The following EXOC6B variants were observed in gnomAD, a reference collection of about 807,000 sequenced individuals.
EXOC6B encodes the protein exocyst complex component 6B, also known as SEC15 homolog B.
Under a neutral mutation model 113.5 loss-of-function variants are expected in EXOC6B, and 54 were observed. That is an observed-to-expected ratio of 0.48 (90% CI 0.38 to 0.60). The LOEUF (loss-of-function observed/expected upper bound fraction) is 0.60, where lower values mean the gene tolerates loss of function less well. EXOC6B is among the 20% of genes least tolerant of loss of function. The pLI is 0.00. For synonymous variants in EXOC6B, 357 were observed against 339.0 expected, an observed-to-expected ratio of 1.05 and a Z score of -0.58; for missense variants, 797 against 977.5, an observed-to-expected ratio of 0.82 and a Z score of 2.46.
At chr2:72,513,341 T>G (rs1486294167) in intron 10 of EXOC6B, 89 bp from the exon 11 acceptor site, 3 of 1,484,988 alleles carry the variant, frequency 2.0e-6, no homozygotes, top group Non-Finnish European at 2.7e-6. Context: ...AGAGATACCA[T>G]CAAATGCAAA....
chr2:72,727,059 C>T (rs763406755), intron 5 of EXOC6B, among the ~76,000 whole-genome samples: 21 of 152,102 alleles, frequency 1.4e-4, no homozygotes, highest in Non-Finnish European at 2.5e-4. Flanking sequence ...ACCTAGTCCC[C>T]TATCCCAGGG....
At chr2:72,751,389 A>G (rs1682031734) in intron 1 of EXOC6B, among the ~76,000 whole-genome samples, 1 of 152,122 alleles carries the variant, frequency 6.6e-6, no homozygotes, top group Non-Finnish European at 1.5e-5. Context: ...GTAGAAAGGA[A>G]TGTCTGGGTT....
At chr2:72,442,751 A>G (rs890522177) in intron 18 of EXOC6B, among the ~76,000 whole-genome samples, 2 of 152,208 alleles carry the variant, frequency 1.3e-5, no homozygotes, top group Non-Finnish European at 2.9e-5. Context: ...ACACAAATAC[A>G]TTTTTAAAAA....
At chr2:72,572,493 C>A (rs1392417448) in intron 7 of EXOC6B, among the ~76,000 whole-genome samples, 1 of 152,206 alleles carries the variant, frequency 6.6e-6, no homozygotes, top group Admixed American at 6.5e-5. Context: ...GTACGTTTTA[C>A]TGGGAAATGA....
At chr2:72,744,241 A>G (rs1214820070) in intron 1 of EXOC6B, among the ~76,000 whole-genome samples, 1 of 152,168 alleles carries the variant, frequency 6.6e-6, no homozygotes, top group African/African-American at 2.4e-5. Flanking sequence ...TTTTTAGAAC[A>G]TATCCTCTCT....
intron 19 of EXOC6B, among the ~76,000 whole-genome samples, chr2:72,369,778 A>G (rs1288472898): frequency 5.9e-5 from 9 of 152,238 alleles, no homozygotes; most frequent in Non-Finnish European, 1.3e-4. Flanking sequence ...TCCCTATTTA[A>G]CAAATGGTGC....
intron 18 of EXOC6B, among the ~76,000 whole-genome samples, chr2:72,398,653 C>T (rs947055908): frequency 8.7e-5 from 13 of 149,266 alleles, no homozygotes; most frequent in South Asian, 4.2e-4. Context: ...GCCAAGATCG[C>T]GACACTGCAC....
chr2:72,186,351 T>C (rs1678435107), intron 20 of EXOC6B, among the ~76,000 whole-genome samples: 1 of 152,196 alleles, frequency 6.6e-6, no homozygotes, highest in South Asian at 2.1e-4. Flanking sequence ...CCTGTAGTCT[T>C]CAAAGACCAC....
At chr2:72,633,484 C>T (rs1043019395) in intron 6 of EXOC6B, among the ~76,000 whole-genome samples, 2 of 152,102 alleles carry the variant, frequency 1.3e-5, no homozygotes, top group African/African-American at 2.4e-5. Flanking sequence ...ATTTTGATGC[C>T]TCAGAGAGAA....
intron 6 of EXOC6B, among the ~76,000 whole-genome samples, chr2:72,691,154 G>A (rs1299301190): frequency 6.6e-6 from 1 of 151,830 alleles, no homozygotes; most frequent in South Asian, 2.1e-4. Context: ...GACACACAAG[G>A]AAAATGCTGT....
chr2:72,608,239 A>G (rs1670867346), intron 6 of EXOC6B, among the ~76,000 whole-genome samples: 1 of 152,202 alleles, frequency 6.6e-6, no homozygotes, highest in African/African-American at 2.4e-5. Flanking sequence ...TAAGAAGTTC[A>G]TATAGTACTC....
chr2:72,753,158 C>A (rs559831597), intron 1 of EXOC6B, among the ~76,000 whole-genome samples: 1 of 152,002 alleles, frequency 6.6e-6, no homozygotes, highest in South Asian at 2.1e-4. Context: ...ATAGTCCCAG[C>A]CACTCAGGAG....
At chr2:72,817,388 T>C (rs897339412) in intron 1 of EXOC6B, among the ~76,000 whole-genome samples, 12 of 152,240 alleles carry the variant, frequency 7.9e-5, no homozygotes, top group Non-Finnish European at 1.8e-4. Flanking sequence ...TTTTATTTTC[T>C]CTCAAAAAGA....
At chr2:72,192,022 C>T (rs1174973627) in intron 20 of EXOC6B, among the ~76,000 whole-genome samples, 1 of 152,182 alleles carries the variant, frequency 6.6e-6, no homozygotes, top group Non-Finnish European at 1.5e-5. Context: ...GCTTGTTCCT[C>T]CTCCTGGACT....
chr2:72,549,744 A>G (rs1197517550), intron 8 of EXOC6B, among the ~76,000 whole-genome samples: 2 of 152,192 alleles, frequency 1.3e-5, no homozygotes, highest in Non-Finnish European at 2.9e-5. Context: ...AGAATAGAGT[A>G]TATCATTCAA....
At chr2:72,328,060 C>T (rs538798382) in intron 20 of EXOC6B, among the ~76,000 whole-genome samples, 1 of 152,216 alleles carries the variant, frequency 6.6e-6, no homozygotes, top group East Asian at 1.9e-4. Flanking sequence ...CTATTTTTCA[C>T]AGAACCATCC....
chr2:72,293,400 G>A (rs1334095902), intron 20 of EXOC6B, among the ~76,000 whole-genome samples: 1 of 152,168 alleles, frequency 6.6e-6, no homozygotes, highest in African/African-American at 2.4e-5. Flanking sequence ...GGGGGTAACA[G>A]CTTTTCCATT....
At chr2:72,444,252 T>C (rs907764030) in intron 18 of EXOC6B, among the ~76,000 whole-genome samples, 3 of 152,220 alleles carry the variant, frequency 2.0e-5, no homozygotes, top group African/African-American at 7.2e-5. Context: ...ATCCAGGTCA[T>C]GCTGATGTAA....
chr2:72,584,104 C>G (rs1313201230), intron 6 of EXOC6B, among the ~76,000 whole-genome samples: 1 of 151,960 alleles, frequency 6.6e-6, no homozygotes, highest in Non-Finnish European at 1.5e-5. Context: ...GCCCACAAGA[C>G]CCTATAAAGC....
Sources: allele counts gnomAD v4.1 joint callset (sites outside exome capture counted in the v4.1 genomes callset), GRCh38; gene constraint gnomAD v4.1.1; transcripts MANE v1.5; gene names NCBI Gene and HGNC (gene_info 2026-07-23, HGNC 2026-07-21).